MIPOL1: variants seen among roughly 807,000 people sequenced by gnomAD.
MIPOL1 encodes the protein mirror-image polydactyly 1.
In MIPOL1, 57 loss-of-function variants were observed where a neutral mutation model predicts 60.9. The observed-to-expected ratio is 0.94, with a 90% CI of 0.76 to 1.17. MIPOL1 has a LOEUF of 1.17. MIPOL1 is among the 50% of genes most tolerant of loss of function. The pLI is 0.00. For missense variants in MIPOL1, 551 were observed against 511.6 expected, an observed-to-expected ratio of 1.08 and a Z score of -0.74; for synonymous variants, 179 against 168.8, an observed-to-expected ratio of 1.06 and a Z score of -0.47.
intron 11 of MIPOL1, among the ~76,000 whole-genome samples, chr14:37,467,297 C>G (rs548504506): frequency 6.6e-6 from 1 of 152,132 alleles, no homozygotes; most frequent in African/African-American, 2.4e-5. Context: ...AAATAAATAA[C>G]AACTTGGTTT....
intron 9 of MIPOL1, among the ~76,000 whole-genome samples, chr14:37,336,009 C>T (rs2090080600): frequency 6.6e-6 from 1 of 151,198 alleles, no homozygotes; most frequent in Non-Finnish European, 1.5e-5. Context: ...GTATTTTCTT[C>T]TAAGAGTTTC....
intron 9 of MIPOL1, among the ~76,000 whole-genome samples, chr14:37,310,624 A>G (rs1382025423): frequency 1.3e-5 from 2 of 152,136 alleles, no homozygotes; most frequent in Non-Finnish European, 2.9e-5. Flanking sequence ...CTCCTACTTC[A>G]TAAAATGTTT....
chr14:37,212,434 C>G (rs1966870587), intron 1 of MIPOL1: 2 of 152,244 alleles, frequency 1.3e-5, no homozygotes, highest in South Asian at 2.1e-4. Flanking sequence ...TGACGGTAGT[C>G]TGGTGGTACT....
chr14:37,298,190 A>G lies in MIPOL1; in HGVS notation c.624-9866A>G, dbSNP rs2085961282. Among the ~76,000 whole-genome samples the G allele has an allele frequency of 2.6e-5, 4 of 152,222 alleles. No individual in the cohort carries two copies. In the South Asian group the frequency reaches 8.3e-4, roughly 32 times the overall value. On this transcript the variant is annotated intron_variant, in intron 7 of 12. Coordinates refer to ENST00000684589, the MANE Select transcript of MIPOL1 (RefSeq NM_001388067.1). The stretch of plus-strand genomic sequence containing the variant: ...ATCTTTGACAAACCTGAGAAAAACA[A>G]GCAATGGGGAAAGGATTCCCTATTT...
chr14:37,227,896 A>G (rs1466160138), intron 1 of MIPOL1: 1 of 152,202 alleles, frequency 6.6e-6, no homozygotes, highest in East Asian at 1.9e-4. Context: ...CTACAATTCA[A>G]GTGACCAAAA....
chr14:37,245,066 G>A (rs1406831960), intron 1 of MIPOL1, among the ~76,000 whole-genome samples: 1 of 152,056 alleles, frequency 6.6e-6, no homozygotes, highest in African/African-American at 2.4e-5. Flanking sequence ...AGGATTCACA[G>A]GGATTTCATA....
intron 9 of MIPOL1, among the ~76,000 whole-genome samples, chr14:37,334,541 C>G (rs2089970361): frequency 6.6e-6 from 1 of 151,922 alleles, no homozygotes; most frequent in Admixed American, 6.6e-5. Context: ...CATTCATACC[C>G]TTAAAGTATA....
rs147126740 is a variant in MIPOL1, at chr14:37,514,259, C to G, written c.1262+14121C>G. ...TATCACTTGACAGGCTACATAGCTCCTGGGTACTTCTGTGAAGTTAGGAGT... is the reference window on the plus strand; with the variant it reads ...TATCACTTGACAGGCTACATAGCTCGTGGGTACTTCTGTGAAGTTAGGAGT... On this transcript the variant is annotated intron_variant, in intron 12 of 12. Coordinates refer to ENST00000684589, the MANE Select transcript of MIPOL1 (RefSeq NM_001388067.1). 1.2e-3 allele frequency among the ~76,000 whole-genome samples: 181 copies of G among 152,200 alleles called. No homozygotes were observed. The Middle Eastern group carries it at 0.014, about 11-fold the overall frequency.
chr14:37,295,204 A>G (rs1021309274), intron 7 of MIPOL1, among the ~76,000 whole-genome samples: 1 of 152,210 alleles, frequency 6.6e-6, no homozygotes, highest in Non-Finnish European at 1.5e-5. Flanking sequence ...CAGCCAAACT[A>G]GGCTTCATAA....
At chr14:37,407,319 A>G (rs953379697) in intron 10 of MIPOL1, among the ~76,000 whole-genome samples, 5 of 152,164 alleles carry the variant, frequency 3.3e-5, no homozygotes. Context: ...ACCTTTCTAT[A>G]TAACTTTAAA....
In MIPOL1 at chr14:37,363,781, G is replaced by A. The variant is rs548658999; in HGVS notation, c.829-5736G>A. On this transcript the variant is annotated intron_variant, in intron 9 of 12. Coordinates refer to ENST00000684589, the MANE Select transcript of MIPOL1 (RefSeq NM_001388067.1). ...CAGTAGGCCTTCCCGAGCTGTGGTG[G>A]GCGCTGCCCAGTTCAAGTTTCCTGG... 2.0e-5 allele frequency among the ~76,000 whole-genome samples: 3 copies of A among 152,284 alleles called. No individual in the cohort carries two copies. The South Asian group carries it at 6.2e-4, about 32-fold the overall frequency.
rs188295076 is a variant in MIPOL1, at chr14:37,497,304, C to T, written c.1032-2604C>T. ...ACAAAATTGACAAATGGGATCTAAT[C>T]ATTGATTCTTAATATGTAATTGGTT... On this transcript the variant is annotated intron_variant, in intron 11 of 12. Coordinates refer to ENST00000684589, the MANE Select transcript of MIPOL1 (RefSeq NM_001388067.1). 1.4e-3 allele frequency among the ~76,000 whole-genome samples: 215 copies of T among 152,200 alleles called. 2 individuals carry two copies. Among genetic ancestry groups the T allele is most frequent in the Admixed American group, 0.012 (179 of 15,280 alleles).
chr14:37,315,554 T>C (rs1400284290), intron 9 of MIPOL1, among the ~76,000 whole-genome samples: 2 of 152,170 alleles, frequency 1.3e-5, no homozygotes, highest in African/African-American at 4.8e-5. Context: ...GAAAGTACGA[T>C]AAGTAGGCCT....
At chr14:37,500,562 T>C (rs2095201372) in intron 12 of MIPOL1, among the ~76,000 whole-genome samples, 1 of 152,184 alleles carries the variant, frequency 6.6e-6, no homozygotes. Flanking sequence ...TAAAAACCAG[T>C]AGGGTGAAAT....
chr14:37,206,241 G>T (rs1297246995), intron 1 of MIPOL1, among the ~76,000 whole-genome samples: 1 of 152,160 alleles, frequency 6.6e-6, no homozygotes, highest in African/African-American at 2.4e-5. Flanking sequence ...GGTACCCTGT[G>T]TCCCAGACAC....
intron 1 of MIPOL1, among the ~76,000 whole-genome samples, chr14:37,207,434 A>G (rs981399855): frequency 6.6e-6 from 1 of 152,200 alleles, no homozygotes; most frequent in Non-Finnish European, 1.5e-5. Context: ...CAGCAGTGTG[A>G]AAACAGACTA....
intron 11 of MIPOL1, among the ~76,000 whole-genome samples, chr14:37,459,848 G>A (rs2094519800): frequency 6.6e-6 from 1 of 152,106 alleles, no homozygotes; most frequent in African/African-American, 2.4e-5. Context: ...GCCGGGGTGG[G>A]CAGATAAGTT....
chr14:37,303,355 C>T (rs762236004), intron 7 of MIPOL1, among the ~76,000 whole-genome samples: 1 of 151,788 alleles, frequency 6.6e-6, no homozygotes, highest in Non-Finnish European at 1.5e-5. Context: ...ACCTGATCCT[C>T]CTCCTTAATC....
chr14:37,498,849 A>G (rs184155877), intron 11 of MIPOL1, among the ~76,000 whole-genome samples: 10 of 152,146 alleles, frequency 6.6e-5, no homozygotes, highest in Admixed American at 1.3e-4. Flanking sequence ...CTTAAACTAA[A>G]AGAGGAAATT....
Sources: gnomAD v4.1 joint callset for allele counts (sites outside exome capture counted in the v4.1 genomes callset) on GRCh38, gnomAD v4.1.1 for gene constraint, MANE v1.5 for transcripts, NCBI Gene and HGNC (gene_info 2026-07-23, HGNC 2026-07-21) for gene names.